FNBP1L: variants seen among roughly 807,000 people sequenced by gnomAD.
The protein encoded by FNBP1L is formin-binding protein 1-like.
In FNBP1L, 36 loss-of-function variants were observed where a neutral mutation model predicts 91.2. The observed-to-expected ratio is 0.39, with a 90% confidence interval of 0.30 to 0.52. The LOEUF (loss-of-function observed/expected upper bound fraction) is 0.52, where lower values mean the gene tolerates loss of function less well. Among genes scored for constraint, FNBP1L ranks in the 20% least tolerant of loss-of-function variants. The pLI is 0.66. For synonymous variants in FNBP1L, 242 were observed against 237.0 expected (o/e 1.02, Z -0.19); for missense variants, 571 against 732.1 (o/e 0.78, Z 2.54).
chr1:93,496,437 G>T (rs780338046), intron 1 of FNBP1L, among the ~76,000 whole-genome samples: 1 of 151,868 alleles, frequency 6.6e-6, no homozygotes, highest in South Asian at 2.1e-4. Context: ...ATAGGGTCTT[G>T]CTCTCTTACC....
At chr1:93,542,443 GAAAAAAAAAA>G (rs61650755) in intron 11 of FNBP1L, among the ~76,000 whole-genome samples, 3 of 82,544 alleles carry the variant, frequency 3.6e-5, no homozygotes, top group Non-Finnish European at 6.6e-5. Flanking sequence ...ATTGGTAAAT[GAAAAAAAAAA>G]AAAAAAAAAA....
At chr1:93,448,344 C>G in intron 1 of FNBP1L, 39 bp downstream of exon 1, 1 of 1,475,896 alleles carries the variant, frequency 6.8e-7, no homozygotes, top group Non-Finnish European at 8.9e-7. Context: ...GGACCCCGGC[C>G]CCTGAGAAGC....
intron 1 of FNBP1L, among the ~76,000 whole-genome samples, chr1:93,497,571 AAAT>A (rs1344286982): frequency 6.6e-6 from 1 of 152,186 alleles, no homozygotes; most frequent in Non-Finnish European, 1.5e-5. Flanking sequence ...AGGAGTTTAT[AAAT>A]AATAAAGCAT....
At chr1:93,454,592 AT>A (rs1668597504) in intron 1 of FNBP1L, among the ~76,000 whole-genome samples, 1 of 152,096 alleles carries the variant, frequency 6.6e-6, no homozygotes, top group South Asian at 2.1e-4. Context: ...AATTAGTTTT[AT>A]TTTTAAATAT....
chr1:93,492,105 C>T (rs1670111767), intron 1 of FNBP1L, among the ~76,000 whole-genome samples: 1 of 152,144 alleles, frequency 6.6e-6, no homozygotes, highest in African/African-American at 2.4e-5. Context: ...GGAATCACAG[C>T]ACGCATGATT....
chr1:93,514,200 A>G (rs1467680393), intron 2 of FNBP1L, among the ~76,000 whole-genome samples: 1 of 152,244 alleles, frequency 6.6e-6, no homozygotes, highest in Non-Finnish European at 1.5e-5. Context: ...CTAGGAATCC[A>G]ACTTAACAAG....
At chr1:93,470,736 C>G (rs1669255424) in intron 1 of FNBP1L, among the ~76,000 whole-genome samples, 1 of 151,986 alleles carries the variant, frequency 6.6e-6, no homozygotes, top group East Asian at 1.9e-4. Context: ...GGCCAGGCGT[C>G]ATGGTGCATG....
chr1:93,537,995 A>G (rs1265274006), intron 10 of FNBP1L, among the ~76,000 whole-genome samples: 2 of 152,128 alleles, frequency 1.3e-5, no homozygotes, highest in Non-Finnish European at 2.9e-5. Context: ...TCCTCTGGCA[A>G]TTTAGACTAC....
At chr1:93,551,157 A>G (rs779405440) in intron 16 of FNBP1L, 52 bp downstream of exon 16, 1 of 1,485,548 alleles carries the variant, frequency 6.7e-7, no homozygotes, top group East Asian at 2.3e-5. Flanking sequence ...CATGTGTGAC[A>G]TAGGAAGAGT....
intron 2 of FNBP1L, among the ~76,000 whole-genome samples, chr1:93,517,880 A>T (rs796938769): frequency 7.2e-5 from 11 of 152,194 alleles, no homozygotes; most frequent in African/African-American, 2.7e-4. Flanking sequence ...TTTGTCACTT[A>T]CTGGCTGTTT....
chr1:93,465,486 G>T (rs371053384), intron 1 of FNBP1L, among the ~76,000 whole-genome samples: 60 of 152,140 alleles, frequency 3.9e-4, no homozygotes, highest in Middle Eastern at 3.4e-3. Context: ...AGTTTGCTCA[G>T]AGTGATGGTT....
intron 2 of FNBP1L, among the ~76,000 whole-genome samples, chr1:93,510,041 G>A (rs1199065418): frequency 2.6e-5 from 4 of 152,138 alleles, no homozygotes; most frequent in East Asian, 1.9e-4. Context: ...GGGGAGGGGC[G>A]CCCGCCATTG....
At chr1:93,545,536 G>T (rs1211950543) in intron 12 of FNBP1L, among the ~76,000 whole-genome samples, 2 of 152,124 alleles carry the variant, frequency 1.3e-5, no homozygotes, top group African/African-American at 2.4e-5. Flanking sequence ...AAGAAGTATA[G>T]GACTTGTGAA....
chr1:93,519,950 C>T (rs184117354), intron 2 of FNBP1L, among the ~76,000 whole-genome samples: 2 of 152,220 alleles, frequency 1.3e-5, no homozygotes, highest in Admixed American at 6.5e-5. Context: ...CATCTTGTCC[C>T]TAACTTTATA....
chr1:93,496,228 C>T (rs1670253960), intron 1 of FNBP1L, among the ~76,000 whole-genome samples: 1 of 151,420 alleles, frequency 6.6e-6, no homozygotes, highest in African/African-American at 2.4e-5. Context: ...TACCCTCTCC[C>T]CCTCCCCACC....
chr1:93,551,258 GTAGGCT>G, intron 16 of FNBP1L, 153 bp downstream of exon 16: 1 of 1,324,082 alleles, frequency 7.6e-7, no homozygotes, highest in South Asian at 2.6e-5. Context: ...TGAGCTGAGT[GTAGGCT>G]TGATCTTGTG....
At chr1:93,543,462 A>G (rs956355987) in intron 11 of FNBP1L, among the ~76,000 whole-genome samples, 6 of 152,188 alleles carry the variant, frequency 3.9e-5, no homozygotes, top group Non-Finnish European at 7.3e-5. Context: ...AATTGAAAAT[A>G]TACACTTGTT....
intron 7 of FNBP1L, among the ~76,000 whole-genome samples, chr1:93,532,651 A>G (rs1264395017): frequency 6.6e-6 from 1 of 152,048 alleles, no homozygotes; most frequent in Non-Finnish European, 1.5e-5. Flanking sequence ...GATAGCCAGT[A>G]AGGGGTCCTT....
intron 1 of FNBP1L, among the ~76,000 whole-genome samples, chr1:93,474,490 C>T (rs1039166982): frequency 3.3e-5 from 5 of 152,282 alleles, no homozygotes; most frequent in African/African-American, 1.2e-4. Context: ...GAGCAAATTA[C>T]TACAAGTGTG....
Sources: gnomAD v4.1 joint callset for allele counts (sites outside exome capture counted in the v4.1 genomes callset) on GRCh38, gnomAD v4.1.1 for gene constraint, MANE v1.5 for transcripts, NCBI Gene and HGNC (gene_info 2026-07-23, HGNC 2026-07-21) for gene names.